DOCK3: variants seen among roughly 807,000 people sequenced by gnomAD.
DOCK3 encodes dedicator of cytokinesis 3, also known as dedicator of cytokinesis protein 3.
Under a neutral mutation model 265.6 loss-of-function variants are expected in DOCK3, and 60 were observed. That is an observed-to-expected ratio of 0.23 (90% CI 0.18 to 0.28). The LOEUF is 0.28. DOCK3 is among the 10% of genes least tolerant of loss of function. DOCK3 has a pLI of 1.00. For synonymous variants in DOCK3, 881 were observed against 938.0 expected (o/e 0.94, Z 1.11); for missense variants, 1,981 against 2,594.3 (o/e 0.76, Z 5.14).
intron 3 of DOCK3, among the ~76,000 whole-genome samples, chr3:50,880,324 C>G (rs972060131): frequency 6.6e-6 from 1 of 151,896 alleles, no homozygotes; most frequent in African/African-American, 2.4e-5. Flanking sequence ...TTCAAAAAAT[C>G]AATGAAGCCA....
chr3:50,865,640 T>C (rs1172279757), intron 3 of DOCK3, among the ~76,000 whole-genome samples: 1 of 152,226 alleles, frequency 6.6e-6, no homozygotes, highest in Non-Finnish European at 1.5e-5. Context: ...TTCGATATAC[T>C]GATTTCCTTT....
At chr3:50,700,390 A>G (rs2035959169) in intron 1 of DOCK3, among the ~76,000 whole-genome samples, 1 of 152,222 alleles carries the variant, frequency 6.6e-6, no homozygotes, top group Non-Finnish European at 1.5e-5. Flanking sequence ...TCTTCCGTCT[A>G]GCTATATGTT....
intron 2 of DOCK3, among the ~76,000 whole-genome samples, chr3:50,814,591 A>G (rs1399274155): frequency 6.6e-6 from 1 of 151,978 alleles, no homozygotes; most frequent in Admixed American, 6.6e-5. Flanking sequence ...GAACTTAACC[A>G]TAGATTTTGG....
intron 2 of DOCK3, among the ~76,000 whole-genome samples, chr3:50,784,053 A>C (rs1293235176): frequency 2.0e-5 from 3 of 152,050 alleles, no homozygotes; most frequent in Non-Finnish European, 4.4e-5. Context: ...TTTTTAGTAG[A>C]GGTGGGGTTT....
intron 10 of DOCK3, among the ~76,000 whole-genome samples, chr3:51,149,848 G>A (rs1277915517): frequency 3.3e-5 from 5 of 152,182 alleles, no homozygotes; most frequent in Non-Finnish European, 1.5e-5. Context: ...GATGATGCTG[G>A]CCTCATAAAA....
chr3:51,232,504 T>C (rs1222275438), intron 19 of DOCK3, among the ~76,000 whole-genome samples: 1 of 152,158 alleles, frequency 6.6e-6, no homozygotes, highest in Non-Finnish European at 1.5e-5. Context: ...AGTATAAAAG[T>C]ATTCCCTTTT....
chr3:51,305,345 G>A (rs536563407), intron 27 of DOCK3, among the ~76,000 whole-genome samples: 1 of 152,050 alleles, frequency 6.6e-6, no homozygotes, highest in South Asian at 2.1e-4. Flanking sequence ...TTGTCTTAAT[G>A]TCTATATTGT....
At chr3:51,342,354 C>T (rs773725925) in intron 38 of DOCK3, among the ~76,000 whole-genome samples, 61 of 152,310 alleles carry the variant, frequency 4.0e-4, no homozygotes, top group Non-Finnish European at 7.6e-4. Context: ...GTAACCTAGC[C>T]CAGAAAGGAT....
chr3:51,166,459 G>C (rs4267674), intron 12 of DOCK3, among the ~76,000 whole-genome samples: 138,912 of 152,304 alleles, frequency 0.91, 63,499 homozygotes, highest in African/African-American at 0.96. Flanking sequence ...CTTCAAGATA[G>C]TGATTTCTTT....
intron 2 of DOCK3, among the ~76,000 whole-genome samples, chr3:50,784,406 A>G (rs573269123): frequency 6.6e-6 from 1 of 152,300 alleles, no homozygotes; most frequent in East Asian, 1.9e-4. Context: ...TGTTTTGGTG[A>G]CTATAGCCTT....
At chr3:50,880,885 A>T (rs1352534339) in intron 3 of DOCK3, among the ~76,000 whole-genome samples, 1 of 152,248 alleles carries the variant, frequency 6.6e-6, no homozygotes, top group Non-Finnish European at 1.5e-5. Flanking sequence ...TCAATAAAAT[A>T]CTGGCAAACT....
At chr3:51,228,145 A>C in intron 17 of DOCK3, 57 bp downstream of exon 17, 16 of 1,549,000 alleles carry the variant, frequency 1.0e-5, no homozygotes, top group Non-Finnish European at 1.3e-5. Context: ...GGCCACTCTC[A>C]CACATGGTTC....
chr3:50,743,012 G>A (rs2108246496), intron 1 of DOCK3, among the ~76,000 whole-genome samples: 1 of 152,310 alleles, frequency 6.6e-6, no homozygotes, highest in African/African-American at 2.4e-5. Flanking sequence ...AACTCTACAA[G>A]CCAGAAGAGA....
chr3:50,822,565 T>C (rs910750968), intron 2 of DOCK3, among the ~76,000 whole-genome samples: 15 of 152,218 alleles, frequency 9.9e-5, no homozygotes, highest in African/African-American at 3.6e-4. Context: ...GGTGCAATCA[T>C]AGCTCACTGC....
intron 35 of DOCK3, among the ~76,000 whole-genome samples, chr3:51,335,359 T>A (rs1012980921): frequency 6.6e-6 from 1 of 152,194 alleles, no homozygotes; most frequent in African/African-American, 2.4e-5. Flanking sequence ...CACCACTTAA[T>A]CACTTGTATT....
chr3:50,823,165 TTTA>T (rs2044545275), intron 2 of DOCK3, among the ~76,000 whole-genome samples: 1 of 151,836 alleles, frequency 6.6e-6, no homozygotes, highest in Non-Finnish European at 1.5e-5. Flanking sequence ...TATTTATTTA[TTTA>T]TTTTTTTTTA....
chr3:51,231,467 T>G (rs1185535858), intron 19 of DOCK3, among the ~76,000 whole-genome samples: 1 of 152,170 alleles, frequency 6.6e-6, no homozygotes, highest in Non-Finnish European at 1.5e-5. Context: ...TGTTGTGAGA[T>G]AGTATCTCAT....
intron 1 of DOCK3, among the ~76,000 whole-genome samples, chr3:50,771,589 C>T (rs1354472441): frequency 6.6e-6 from 1 of 152,154 alleles, no homozygotes; most frequent in Admixed American, 6.5e-5. Flanking sequence ...TGGTGGCTCA[C>T]ACCTGTAATC....
chr3:51,343,018 A>G (rs1358694492), intron 38 of DOCK3, among the ~76,000 whole-genome samples: 2 of 152,172 alleles, frequency 1.3e-5, no homozygotes, highest in African/African-American at 4.8e-5. Context: ...CCTGTGCCTC[A>G]GCTCCTGATG....
Sources: allele counts gnomAD v4.1 joint callset (sites outside exome capture counted in the v4.1 genomes callset), GRCh38; gene constraint gnomAD v4.1.1; transcripts MANE v1.5; gene names NCBI Gene and HGNC (gene_info 2026-07-23, HGNC 2026-07-21).